Variants in PRDM6 observed in about 807,000 individuals in gnomAD.
The protein encoded by PRDM6 is PR/SET domain 6.
In PRDM6, 25 loss-of-function variants were observed where a neutral mutation model predicts 60.8. That is an observed-to-expected ratio of 0.41 (90% CI 0.30 to 0.57). The LOEUF (loss-of-function observed/expected upper bound fraction) is 0.57. Ranked by LOEUF, PRDM6 falls within the 20% of genes least tolerant of loss-of-function variation. The probability of loss-of-function intolerance (pLI) is 0.27; values close to 1 mark genes in which losing one functional copy is unlikely to be tolerated. For synonymous variants in PRDM6, 407 were observed against 357.4 expected (o/e 1.14, Z -1.57); for missense variants, 839 against 821.3 (o/e 1.02, Z -0.26).
At chr5:123,137,287 C>A (rs1478396116) in intron 3 of PRDM6, among the ~76,000 whole-genome samples, 2 of 152,166 alleles carry the variant, frequency 1.3e-5, no homozygotes, top group African/African-American at 4.8e-5. Context: ...AAGGTGACTG[C>A]AAATCACTAT....
At chr5:123,103,669 C>T (rs1476203746) in intron 3 of PRDM6, among the ~76,000 whole-genome samples, 10 of 151,858 alleles carry the variant, frequency 6.6e-5, no homozygotes, top group East Asian at 1.9e-4. Context: ...TAGTTGCACA[C>T]GGTTTCCTCT....
rs985398427 is a variant in PRDM6, at chr5:123,188,899, GTTA to G, written c.*1704_*1706del. 2.6e-5 allele frequency: 4 copies of G among 152,040 alleles called. No individual in the cohort carries two copies. The highest frequency in any genetic ancestry group is 9.7e-5 in the African/African-American group (4 of 41,376). The allele number at this position is 152,040 out of a possible 1,614,324, so 9.4% of individuals were successfully genotyped here. On this transcript the variant is annotated 3_prime_UTR_variant, in exon 8 of 8. Coordinates refer to ENST00000407847, the MANE Select transcript of PRDM6 (RefSeq NM_001136239.4). ...AGGGTCTAATTAATAAGTGTTTACAGTTATTATTTATATACGTATATATACATA... is the reference window on the plus strand; with the variant it reads ...AGGGTCTAATTAATAAGTGTTTACAGTTATTTATATACGTATATATACATA...
intron 5 of PRDM6, among the ~76,000 whole-genome samples, chr5:123,165,970 A>G (rs993770639): frequency 6.6e-6 from 1 of 152,166 alleles, no homozygotes. Flanking sequence ...AACATTTTCT[A>G]TGGCCCATAT....
chr5:123,126,969 C>T (rs1764707095), intron 3 of PRDM6, among the ~76,000 whole-genome samples: 1 of 151,984 alleles, frequency 6.6e-6, no homozygotes, highest in South Asian at 2.1e-4. Flanking sequence ...TGCAAATGAC[C>T]TACCAGTAAA....
rs556256933 is a variant in PRDM6, at chr5:123,155,848, C to T, written c.901-36C>T. The T allele has an allele frequency of 6.5e-6, 10 of 1,539,158 alleles. No homozygotes were observed. The Admixed American group carries it at 8.2e-5, about 13-fold the overall frequency. ...GTAGGGAAAATGATTGCTGATGATT[C>T]GTTCTAACTACTTGACCTTCTGACC... On this transcript the variant is annotated intron_variant, in intron 3 of 7. Transcript: ENST00000407847.
intron 3 of PRDM6, among the ~76,000 whole-genome samples, chr5:123,128,291 G>C (rs1000579471): frequency 6.6e-6 from 1 of 152,150 alleles, no homozygotes; most frequent in African/African-American, 2.4e-5. Flanking sequence ...CCCAGTAATG[G>C]GATGGCTGGG....
At chr5:123,122,584 C>T (rs1580496081) in intron 3 of PRDM6, among the ~76,000 whole-genome samples, 1 of 152,000 alleles carries the variant, frequency 6.6e-6, no homozygotes, top group East Asian at 1.9e-4. Flanking sequence ...TACTTAAATC[C>T]CTCAATGTGT....
chr5:123,174,912 C>T (rs1353194673), intron 6 of PRDM6, among the ~76,000 whole-genome samples: 2 of 152,222 alleles, frequency 1.3e-5, no homozygotes, highest in African/African-American at 4.8e-5. Flanking sequence ...ATCTCTTCCT[C>T]CTTTTTCCCA....
intron 3 of PRDM6, among the ~76,000 whole-genome samples, chr5:123,153,503 C>T (rs371266308): frequency 2.6e-5 from 4 of 152,054 alleles, no homozygotes; most frequent in Non-Finnish European, 5.9e-5. Flanking sequence ...ATGGGATTTG[C>T]GTCACAGTTT....
intron 2 of PRDM6, among the ~76,000 whole-genome samples, chr5:123,098,958 G>C (rs1279624426): frequency 1.3e-5 from 2 of 151,766 alleles, no homozygotes; most frequent in Admixed American, 1.3e-4. Context: ...CGGGCTGCAG[G>C]CTTGCTCTGC....
At chr5:123,093,891 T>C (rs1413986428) in intron 2 of PRDM6, among the ~76,000 whole-genome samples, 1 of 151,754 alleles carries the variant, frequency 6.6e-6, no homozygotes, top group Non-Finnish European at 1.5e-5. Flanking sequence ...CCCTAGGACC[T>C]GGGAGGGAGG....
chr5:123,113,200 C>T (rs375317929), intron 3 of PRDM6, among the ~76,000 whole-genome samples: 29 of 152,228 alleles, frequency 1.9e-4, no homozygotes, highest in African/African-American at 6.3e-4. Context: ...TAAAGTCCAG[C>T]GTTTACATTA....
At chr5:123,129,159 T>C (rs1764763087) in intron 3 of PRDM6, among the ~76,000 whole-genome samples, 1 of 152,218 alleles carries the variant, frequency 6.6e-6, no homozygotes, top group South Asian at 2.1e-4. Context: ...CTGATTTGGT[T>C]ACTGTTGCCT....
chr5:123,167,392 CT>C (rs34980495), intron 5 of PRDM6, among the ~76,000 whole-genome samples: 39,165 of 141,946 alleles, frequency 0.28, 5,519 homozygotes, highest in East Asian at 0.58. Flanking sequence ...AATTAGGTTA[CT>C]TTTTTTTTTT....
intron 3 of PRDM6, among the ~76,000 whole-genome samples, chr5:123,137,511 A>G (rs1764988112): frequency 6.6e-6 from 1 of 152,074 alleles, no homozygotes; most frequent in Admixed American, 6.6e-5. Context: ...TGTATTTAAA[A>G]CCATCCTTCT....
chr5:123,107,940 G>T (rs1459668223), intron 3 of PRDM6, among the ~76,000 whole-genome samples: 4 of 152,182 alleles, frequency 2.6e-5, no homozygotes, highest in African/African-American at 9.7e-5. Flanking sequence ...TTCAGTCAGT[G>T]TCTTGATATT....
Position 123,099,908 on chromosome 5 carries a change from C to T in PRDM6, c.847C>T (p.Pro283Ser). Residue 283 changes from proline (P) to serine (S), a missense_variant, in exon 3 of 8, where the codon CCC (proline) becomes TCC (serine). By Grantham distance (74) the Pro-to-Ser change is moderately conservative. Coordinates refer to ENST00000407847, the MANE Select transcript of PRDM6 (RefSeq NM_001136239.4). The surrounding 1 kb of genome is among the most constrained non-coding windows in gnomAD (Gnocchi z 4.0). ...TGGACCTTTCCAAGGCGTGCTTCTG[C>T]CCCCAGAGAAGGTGCAGGCAGGCGC... Reference protein sequence around the residue: ...WIGPFQGVLLPPEKVQAGAVR... With the variant: ...WIGPFQGVLLSPEKVQAGAVR... The T allele has an allele frequency of 6.5e-7, 1 of 1,546,792 alleles. No homozygotes were observed. Among genetic ancestry groups the T allele is most frequent in the African/African-American group, 1.4e-5 (1 of 73,018 alleles).
chr5:123,154,161 A>G (rs1765439762), intron 3 of PRDM6, among the ~76,000 whole-genome samples: 1 of 152,212 alleles, frequency 6.6e-6, no homozygotes, highest in African/African-American at 2.4e-5. Context: ...AAACAAAAAC[A>G]AAACCCCACA....
At chr5:123,094,116 G>A (rs1364063072) in intron 2 of PRDM6, among the ~76,000 whole-genome samples, 2 of 152,090 alleles carry the variant, frequency 1.3e-5, no homozygotes, top group African/African-American at 4.8e-5. Flanking sequence ...TAGGGAGAGG[G>A]GCTGGGGAGA....
Sources: gnomAD v4.1 joint callset for allele counts (sites outside exome capture counted in the v4.1 genomes callset) on GRCh38, gnomAD v4.1.1 for gene constraint, Gnocchi (gnomAD v3.1) non-coding constraint, MANE v1.5 for transcripts, NCBI Gene and HGNC (gene_info 2026-07-23, HGNC 2026-07-21) for gene names.